TENM3: variants seen among roughly 807,000 people sequenced by gnomAD.
TENM3 encodes the protein teneurin transmembrane protein 3.
Under a neutral mutation model 255.1 loss-of-function variants are expected in TENM3, and 63 were observed. The ratio of observed to expected loss-of-function variants is 0.25; its 90% CI spans 0.20 to 0.30. TENM3 has a LOEUF of 0.30. Among genes scored for constraint, TENM3 ranks in the 10% least tolerant of loss-of-function variants. TENM3 has a pLI of 1.00. For missense variants in TENM3, 2,929 were observed against 3,461.1 expected (o/e 0.85, Z 3.86); for synonymous variants, 1,306 against 1,322.3 (o/e 0.99, Z 0.27).
chr4:182,465,924 T>C (rs957582658), intron 3 of TENM3, among the ~76,000 whole-genome samples: 1 of 152,178 alleles, frequency 6.6e-6, no homozygotes, highest in Non-Finnish European at 1.5e-5. Context: ...TTTTTTAATA[T>C]AAGAGGCCAA....
intron 3 of TENM3, among the ~76,000 whole-genome samples, chr4:182,557,283 C>G (rs1347575590): frequency 6.6e-6 from 1 of 152,000 alleles, no homozygotes; most frequent in African/African-American, 2.4e-5. Flanking sequence ...AACTGGGACC[C>G]TATTTATTGT....
At chr4:182,092,361 C>G in the TENM3 span, among the ~76,000 whole-genome samples, 3 of 151,318 alleles carry the variant, frequency 2.0e-5, no homozygotes, top group African/African-American at 7.3e-5. Context: ...AACAAACAAA[C>G]TACAGGGCAG....
chr4:181,566,461 G>T, the TENM3 span, among the ~76,000 whole-genome samples: 4 of 152,090 alleles, frequency 2.6e-5, no homozygotes, highest in African/African-American at 9.7e-5. Flanking sequence ...TGATTGAAGA[G>T]CTCTCTCTGT....
At chr4:181,718,793 T>C in the TENM3 span, among the ~76,000 whole-genome samples, 1 of 152,218 alleles carries the variant, frequency 6.6e-6, no homozygotes, top group Non-Finnish European at 1.5e-5. Flanking sequence ...TTAGTTTTGC[T>C]TTTCATCTTT....
At chr4:182,457,327 AAGAAG>A (rs1262234329) in intron 3 of TENM3, among the ~76,000 whole-genome samples, 1 of 152,138 alleles carries the variant, frequency 6.6e-6, no homozygotes, top group Admixed American at 6.5e-5. Flanking sequence ...GACATTTTCT[AAGAAG>A]AGAAGCCAAG....
At chr4:181,511,652 A>T in the TENM3 span, among the ~76,000 whole-genome samples, 1 of 152,124 alleles carries the variant, frequency 6.6e-6, no homozygotes, top group Non-Finnish European at 1.5e-5. Context: ...ATTTATTTAC[A>T]TGCTTATTTA....
chr4:182,771,436 A>C (rs549631457), intron 22 of TENM3, among the ~76,000 whole-genome samples: 17 of 149,648 alleles, frequency 1.1e-4, no homozygotes, highest in African/African-American at 4.2e-4. Flanking sequence ...CAGTCAAGAG[A>C]TAGCGTGAGA....
chr4:181,482,481 C>T, the TENM3 span, among the ~76,000 whole-genome samples: 1 of 152,118 alleles, frequency 6.6e-6, no homozygotes, highest in African/African-American at 2.4e-5. Flanking sequence ...TTCAGAGTTA[C>T]AAATGCATAG....
the TENM3 span, among the ~76,000 whole-genome samples, chr4:181,849,949 T>TCTCACACACACACACACACACACACA: frequency 7.4e-4 from 49 of 65,952 alleles, no homozygotes; most frequent in South Asian, 1.6e-3. Context: ...TCTCTCTCTC[T>TCTCACACACACACACACACACACACA]CACACACACA....
chr4:181,596,650 T>G, the TENM3 span, among the ~76,000 whole-genome samples: 1 of 152,224 alleles, frequency 6.6e-6, no homozygotes, highest in Non-Finnish European at 1.5e-5. Flanking sequence ...ATAAAACTTG[T>G]GTACACAATA....
chr4:182,164,670 C>T (rs1282512952), intron 1 of TENM3, among the ~76,000 whole-genome samples: 1 of 152,180 alleles, frequency 6.6e-6, no homozygotes, highest in Non-Finnish European at 1.5e-5. Context: ...TGTCATGCCC[C>T]TAAAACCAGG....
intron 3 of TENM3, among the ~76,000 whole-genome samples, chr4:182,449,517 C>A (rs1170659885): frequency 6.6e-6 from 1 of 151,924 alleles, no homozygotes; most frequent in African/African-American, 2.4e-5. Context: ...GCAAAGCTGC[C>A]CTTTTGCCTG....
chr4:181,480,455 C>T, the TENM3 span, among the ~76,000 whole-genome samples: 1 of 152,026 alleles, frequency 6.6e-6, no homozygotes, highest in Non-Finnish European at 1.5e-5. Context: ...TTGATGTTAA[C>T]CAAACATACG....
the TENM3 span, among the ~76,000 whole-genome samples, chr4:181,917,663 CTTTT>C: frequency 7.8e-6 from 1 of 127,462 alleles, no homozygotes; most frequent in Non-Finnish European, 1.7e-5. Flanking sequence ...TTTTTTTTTT[CTTTT>C]TTTTTTTTTT....
chr4:181,999,071 TTTTGATTTCCTGAGTCCTTCCC>T, the TENM3 span, among the ~76,000 whole-genome samples: 1 of 152,146 alleles, frequency 6.6e-6, no homozygotes, highest in South Asian at 2.1e-4. Context: ...GAGGACTTGA[TTTTGATTTCCTGAGTCCTTCCC>T]TTTAATTCCA....
chr4:181,703,772 T>C, the TENM3 span, among the ~76,000 whole-genome samples: 4 of 150,544 alleles, frequency 2.7e-5, no homozygotes, highest in East Asian at 7.9e-4. Flanking sequence ...TCCTTCCTCT[T>C]TAATGGATGG....
the TENM3 span, among the ~76,000 whole-genome samples, chr4:181,666,887 C>T: frequency 2.6e-5 from 4 of 152,258 alleles, no homozygotes; most frequent in South Asian, 2.1e-4. Flanking sequence ...GCTCATCAAA[C>T]GCTCCTGCAC....
the TENM3 span, among the ~76,000 whole-genome samples, chr4:182,060,084 C>T: frequency 1.3e-5 from 2 of 151,902 alleles, no homozygotes; most frequent in Non-Finnish European, 2.9e-5. Context: ...ATCGAAAGTA[C>T]AAAAATCAGC....
chr4:181,960,331 A>C, the TENM3 span, among the ~76,000 whole-genome samples: 2 of 152,056 alleles, frequency 1.3e-5, no homozygotes, highest in Non-Finnish European at 2.9e-5. Flanking sequence ...TTTTTTTTCT[A>C]ATTTTTCAAG....
Sources: gnomAD v4.1 joint callset for allele counts (sites outside exome capture counted in the v4.1 genomes callset) on GRCh38, gnomAD v4.1.1 for gene constraint, MANE v1.5 for transcripts, NCBI Gene and HGNC (gene_info 2026-07-23, HGNC 2026-07-21) for gene names.